TMEM170B: variants seen among roughly 807,000 people sequenced by gnomAD.
TMEM170B encodes the protein transmembrane protein 170B.
Under a neutral mutation model 13.0 loss-of-function variants are expected in TMEM170B, and 6 were observed. That is an observed-to-expected ratio of 0.46 (90% confidence interval 0.25 to 0.91). The LOEUF (loss-of-function observed/expected upper bound fraction) is 0.91, where lower values mean the gene tolerates loss of function less well. Ranked by LOEUF, TMEM170B falls within the 40% of genes least tolerant of loss-of-function variation. The pLI, the probability that TMEM170B is intolerant of heterozygous loss-of-function variation, is 0.17. For missense variants in TMEM170B, 138 were observed against 165.2 expected (o/e 0.84, Z 0.90); for synonymous variants, 61 against 64.9 (o/e 0.94, Z 0.29).
Position 11,578,914 on chromosome 6 carries a change from C to G in TMEM170B, c.*3353C>G, listed in dbSNP as rs939052467. ...AAAATGTGGCTGCCACATTGATGTA[C>G]CTAGGCTGCCACTCATACAGCAAAT... is the stretch of plus-strand genomic sequence containing the variant. On this transcript the variant is annotated 3_prime_UTR_variant, in exon 3 of 3. Transcript: ENST00000379426. 14 of 152,154 alleles carry G rather than the reference C, an allele frequency of 9.2e-5. No homozygotes were observed. The highest frequency in any genetic ancestry group is 4.4e-5 in the Non-Finnish European group (3 of 68,018). The allele number at this position is 152,154 out of a possible 1,614,324, so 9.4% of individuals were successfully genotyped here.
At position 11,577,459 on chromosome 6, in the gene TMEM170B, C is replaced by A. The variant is rs187937621; in HGVS notation, c.*1898C>A. The A allele has an allele frequency of 1.2e-4, 18 of 152,100 alleles. No individual in the cohort carries two copies. In the East Asian group the frequency reaches 3.3e-3, roughly 28 times the overall value. The allele number at this position is 152,100 out of a possible 1,614,324, so 9.4% of individuals were successfully genotyped here. On this transcript the variant is annotated 3_prime_UTR_variant, in exon 3 of 3. Coordinates refer to ENST00000379426, the MANE Select transcript of TMEM170B (RefSeq NM_001100829.3). ...TTTTCTGCCAGACTTGAATTGTGTTCTTCTTTTACTTTGGCTATTCTGTCA... is the reference window on the plus strand; with the variant it reads ...TTTTCTGCCAGACTTGAATTGTGTTATTCTTTTACTTTGGCTATTCTGTCA...
At chr6:11,572,171 A>C (rs1759813851) in intron 2 of TMEM170B, among the ~76,000 whole-genome samples, 1 of 152,200 alleles carries the variant, frequency 6.6e-6, no homozygotes, top group Non-Finnish European at 1.5e-5. Context: ...CCCGTGGGTC[A>C]TGGAGAAACT....
At chr6:11,556,983 G>T (rs1018748803) in intron 1 of TMEM170B, among the ~76,000 whole-genome samples, 5 of 152,328 alleles carry the variant, frequency 3.3e-5, no homozygotes, top group Middle Eastern at 3.4e-3. Context: ...GGAGCACTCA[G>T]TAGAGACCTG....
rs554013928 is a variant in TMEM170B at position 11,551,519 on chromosome 6, T to A, written c.97+13145T>A. Among the ~76,000 whole-genome samples, 12 of 152,262 alleles carry A rather than the reference T, an allele frequency of 7.9e-5. No homozygotes were observed. In the South Asian group the frequency reaches 2.5e-3, roughly 32 times the overall value. On this transcript the variant is annotated intron_variant, in intron 1 of 2. Coordinates refer to ENST00000379426, the MANE Select transcript of TMEM170B (RefSeq NM_001100829.3). ...GAAGTGTCTGTAAAAACAAGGTGATTAGAAAAAGCAGAAAACTGTCTCGAT... is the reference window on the plus strand; with the variant it reads ...GAAGTGTCTGTAAAAACAAGGTGATAAGAAAAAGCAGAAAACTGTCTCGAT...
intron 1 of TMEM170B, among the ~76,000 whole-genome samples, chr6:11,539,308 A>T (rs951241737): frequency 5.3e-5 from 8 of 152,200 alleles, no homozygotes; most frequent in African/African-American, 1.9e-4. Context: ...AAAAAATCTT[A>T]AAAAAATACT....
At position 11,577,189 on chromosome 6, in the gene TMEM170B, T is replaced by A. The variant is rs1256163558; in HGVS notation, c.*1628T>A. ...GCAGAGTATATCCACAACTTACCAATGAGAAGTTGGAGAGGCAGTACTTTT... is the reference window on the plus strand; with the variant it reads ...GCAGAGTATATCCACAACTTACCAAAGAGAAGTTGGAGAGGCAGTACTTTT... On this transcript the variant is annotated 3_prime_UTR_variant, in exon 3 of 3. Coordinates refer to ENST00000379426, the MANE Select transcript of TMEM170B (RefSeq NM_001100829.3). 2 of 152,100 alleles carry A rather than the reference T, an allele frequency of 1.3e-5. No individual in the cohort carries two copies. Among genetic ancestry groups the A allele is most frequent in the African/African-American group, 2.4e-5 (1 of 41,450 alleles). The allele number at this position is 152,100 out of a possible 1,614,324, so 9.4% of individuals were successfully genotyped here.
intron 2 of TMEM170B, among the ~76,000 whole-genome samples, chr6:11,566,247 C>G (rs1213055672): frequency 6.6e-6 from 1 of 152,160 alleles, no homozygotes; most frequent in Admixed American, 6.5e-5. Context: ...CTGCCTGTGA[C>G]TACAAAATAA....
At position 11,538,372 on chromosome 6, in the gene TMEM170B, C is replaced by G; in HGVS notation, c.95C>G (p.Thr32Arg). Reference protein sequence around the residue: ...WAHGTVLRNLTEMWYWIFLWA... With the variant: ...WAHGTVLRNLREMWYWIFLWA... ...CACGGGACGGTGCTGAGGAACCTCA[C>G]GGGTAATTGACGCGCCTGGGCTGGG... Residue 32 changes from threonine to arginine, a missense_variant and splice_region_variant, in exon 1 of 3, where the codon ACG becomes AGG. Transcript: ENST00000379426. 6.6e-7 allele frequency: 1 copy of G among 1,511,366 alleles called. No individual in the cohort carries two copies. Among genetic ancestry groups the G allele is most frequent in the South Asian group, 1.3e-5 (1 of 78,574 alleles). 93.6% of individuals were successfully genotyped at this position (1,511,366 alleles called of 1,614,324 possible).
chr6:11,559,554 A>T (rs954689943), intron 1 of TMEM170B, among the ~76,000 whole-genome samples: 10 of 152,196 alleles, frequency 6.6e-5, no homozygotes, highest in African/African-American at 2.4e-4. Flanking sequence ...ACAGGTGGTA[A>T]ACTAGATGTG....
Position 11,575,940 on chromosome 6 carries a change from A to G in TMEM170B, c.*379A>G, listed in dbSNP as rs1455483450. 1.2e-5 allele frequency: 2 copies of G among 161,322 alleles called. No individual in the cohort carries two copies. The highest frequency in any genetic ancestry group is 4.8e-5 in the African/African-American group (2 of 41,710). The allele number at this position is 161,322 out of a possible 1,614,324, so 10.0% of individuals were successfully genotyped here. On this transcript the variant is annotated 3_prime_UTR_variant, in exon 3 of 3. Transcript: ENST00000379426. The surrounding 1 kb of genome is among the most constrained non-coding windows in gnomAD (Gnocchi z 4.1). ...GCCAAACTCTTTTCTTTTTGTTAAC[A>G]TTGATCATGTGACAATTTGCAAGTG...
chr6:11,572,571 G>T (rs145432298), intron 2 of TMEM170B, among the ~76,000 whole-genome samples: 1 of 152,226 alleles, frequency 6.6e-6, no homozygotes, highest in East Asian at 1.9e-4. Flanking sequence ...TTTTAGGCAA[G>T]TTAGGTATAG....
chr6:11,565,826 G>T lies in TMEM170B; in HGVS notation c.258G>T (p.Ala86=). Residue 86 remains alanine, a synonymous_variant, in exon 2 of 3, where the codon GCG becomes GCT. Coordinates refer to ENST00000379426, the MANE Select transcript of TMEM170B (RefSeq NM_001100829.3). ...SIGFLASVTG[A]MITSAAVAGI... is the part of the protein sequence containing the mutation. Reference sequence around the variant, plus strand: ...GATTTCTGGCTTCTGTAACTGGAGCGATGATTACCAGTAAGTTGATTTTCT... The same window carrying T: ...GATTTCTGGCTTCTGTAACTGGAGCTATGATTACCAGTAAGTTGATTTTCT... The T allele has an allele frequency of 2.5e-6, 4 of 1,614,058 alleles. No individual in the cohort carries two copies. The highest frequency in any genetic ancestry group is 3.4e-6 in the Non-Finnish European group (4 of 1,179,962).
chr6:11,563,830 C>T (rs1427829834), intron 1 of TMEM170B, among the ~76,000 whole-genome samples: 5 of 152,122 alleles, frequency 3.3e-5, no homozygotes, highest in Admixed American at 1.3e-4. Context: ...ACTAGCCAGG[C>T]GTGGTGGCCC....
intron 2 of TMEM170B, among the ~76,000 whole-genome samples, chr6:11,571,294 T>G (rs1371751525): frequency 6.6e-6 from 1 of 151,990 alleles, no homozygotes; most frequent in Non-Finnish European, 1.5e-5. Flanking sequence ...CCAGTGATCC[T>G]CCCAACTCAG....
At chr6:11,552,884 A>G (rs955240141) in intron 1 of TMEM170B, among the ~76,000 whole-genome samples, 5 of 152,148 alleles carry the variant, frequency 3.3e-5, no homozygotes, top group Non-Finnish European at 5.9e-5. Context: ...AAGAACGTTT[A>G]TAAGGCTGGT....
intron 1 of TMEM170B, among the ~76,000 whole-genome samples, chr6:11,547,377 T>C (rs1356240345): frequency 6.6e-6 from 1 of 152,198 alleles, no homozygotes; most frequent in Non-Finnish European, 1.5e-5. Context: ...AAGTTCCTCT[T>C]CCTAAATGCT....
chr6:11,560,546 G>A (rs1232174308), intron 1 of TMEM170B, among the ~76,000 whole-genome samples: 1 of 143,498 alleles, frequency 7.0e-6, no homozygotes, highest in East Asian at 2.1e-4. Context: ...AGGAGTTTGA[G>A]TCCAGCCTGG....
At chr6:11,549,415 G>C (rs7451490) in intron 1 of TMEM170B, among the ~76,000 whole-genome samples, 2 of 152,180 alleles carry the variant, frequency 1.3e-5, no homozygotes, top group Non-Finnish European at 2.9e-5. Flanking sequence ...TGTAATCCCA[G>C]CACTTTGGGA....
At position 11,557,376 on chromosome 6, in the gene TMEM170B, C is replaced by T. The variant is rs566382580; in HGVS notation, c.98-8290C>T. Among the ~76,000 whole-genome samples the T allele has an allele frequency of 1.2e-4, 18 of 152,212 alleles. No homozygotes were observed. The East Asian group carries it at 2.5e-3, about 21-fold the overall frequency. ...TGCATTTAGGAAAAAATTGGGGACACTACAAACCTGAAATGAATGCATGCT... is the reference window on the plus strand; with the variant it reads ...TGCATTTAGGAAAAAATTGGGGACATTACAAACCTGAAATGAATGCATGCT... On this transcript the variant is annotated intron_variant, in intron 1 of 2. Coordinates refer to ENST00000379426, the MANE Select transcript of TMEM170B (RefSeq NM_001100829.3).
Sources: gnomAD v4.1 joint callset for allele counts (sites outside exome capture counted in the v4.1 genomes callset) on GRCh38, gnomAD v4.1.1 for gene constraint, Gnocchi (gnomAD v3.1) non-coding constraint, MANE v1.5 for transcripts, NCBI Gene and HGNC (gene_info 2026-07-23, HGNC 2026-07-21) for gene names.